TRAPPC9: variants seen among roughly 807,000 people sequenced by gnomAD.
The protein encoded by TRAPPC9 is trafficking protein particle complex subunit 9.
TRAPPC9 carries 83 observed loss-of-function variants against 124.0 expected under a neutral mutation model. That is an observed-to-expected ratio of 0.67 (90% CI 0.56 to 0.80). The LOEUF (loss-of-function observed/expected upper bound fraction) is 0.80, where lower values mean the gene tolerates loss of function less well. Ranked by LOEUF, TRAPPC9 falls within the 30% of genes least tolerant of loss-of-function variation. TRAPPC9 has a pLI of 0.00. For synonymous variants in TRAPPC9, 638 were observed against 617.5 expected, an observed-to-expected ratio of 1.03 and a Z score of -0.49; for missense variants, 1,302 against 1,508.3, an observed-to-expected ratio of 0.86 and a Z score of 2.27.
At chr8:140,208,698 C>G (rs1341001361) in intron 17 of TRAPPC9, among the ~76,000 whole-genome samples, 2 of 152,250 alleles carry the variant, frequency 1.3e-5, no homozygotes, top group East Asian at 1.9e-4. Flanking sequence ...GTAGCAGGCA[C>G]TGGAAGTGCA....
intron 21 of TRAPPC9, among the ~76,000 whole-genome samples, chr8:139,783,456 T>C (rs1383579472): frequency 6.6e-6 from 1 of 152,248 alleles, no homozygotes; most frequent in Non-Finnish European, 1.5e-5. Flanking sequence ...GAAAGACACA[T>C]ACTACCAAAG....
chr8:140,108,945 C>T lies in TRAPPC9; in HGVS notation c.2557-84866G>A, dbSNP rs550512171. Reference sequence around the variant, plus strand: ...AGATATTTTTTCTTTTCCTTAGTTTCGAGAAGCCTTTTTACTTACTGAAAA... The same window carrying T: ...AGATATTTTTTCTTTTCCTTAGTTTTGAGAAGCCTTTTTACTTACTGAAAA... On this transcript the variant is annotated intron_variant, in intron 17 of 22. Transcript: ENST00000438773. Among the ~76,000 whole-genome samples, 13 of 152,176 alleles carry T rather than the reference C, an allele frequency of 8.5e-5. No individual in the cohort carries two copies. The South Asian group carries it at 1.5e-3, about 17-fold the overall frequency.
At chr8:140,022,544 A>G (rs1211269160) in intron 18 of TRAPPC9, among the ~76,000 whole-genome samples, 1 of 152,166 alleles carries the variant, frequency 6.6e-6, no homozygotes, top group Admixed American at 6.5e-5. Flanking sequence ...TGGGGAAAAA[A>G]AGACGAACTC....
intron 5 of TRAPPC9, among the ~76,000 whole-genome samples, chr8:140,423,474 C>T (rs1054005213): frequency 1.3e-5 from 2 of 151,780 alleles, no homozygotes; most frequent in South Asian, 4.2e-4. Flanking sequence ...CAAACAAACA[C>T]ATGTCCACAC....
intron 19 of TRAPPC9, among the ~76,000 whole-genome samples, chr8:139,950,386 C>T (rs370964116): frequency 3.0e-4 from 45 of 152,302 alleles, no homozygotes; most frequent in East Asian, 9.6e-4. Flanking sequence ...ATGGTTCTCG[C>T]GAATTCAAGG....
intron 11 of TRAPPC9, among the ~76,000 whole-genome samples, chr8:140,299,666 C>T (rs11777506): frequency 0.3 from 45,445 of 152,116 alleles, 7,475 homozygotes; most frequent in East Asian, 0.65. Context: ...CAAGGGGCCT[C>T]GGGCATGTCT....
At chr8:140,162,649 G>A (rs567817711) in intron 17 of TRAPPC9, among the ~76,000 whole-genome samples, 83 of 152,304 alleles carry the variant, frequency 5.4e-4, no homozygotes, top group African/African-American at 1.9e-3. Flanking sequence ...GGTCATGGTT[G>A]CACAGCAATG....
At chr8:139,839,738 G>T (rs577516542) in intron 21 of TRAPPC9, among the ~76,000 whole-genome samples, 9 of 152,098 alleles carry the variant, frequency 5.9e-5, no homozygotes, top group Non-Finnish European at 1.2e-4. Flanking sequence ...GCTCTGCTGG[G>T]TGCTGCCTCC....
At position 140,087,290 on chromosome 8, in the gene TRAPPC9, C is replaced by T. The variant is rs1275574460; in HGVS notation, c.2557-63211G>A. ...CATCACCCTGCAGATGTCGGGGTGC[C>T]TCGAAAGCACAGCACTCTATCTCTG... On this transcript the variant is annotated intron_variant, in intron 17 of 22. Transcript: ENST00000438773. This position sits in a 1 kb window ranked among gnomAD's most constrained non-coding sequence, Gnocchi z 4.6. Among the ~76,000 whole-genome samples, 3 of 152,082 alleles carry T rather than the reference C, an allele frequency of 2.0e-5. No individual in the cohort carries two copies. The highest frequency in any genetic ancestry group is 4.4e-5 in the Non-Finnish European group (3 of 68,024).
chr8:140,052,640 G>T (rs977397587), intron 17 of TRAPPC9, among the ~76,000 whole-genome samples: 19 of 152,074 alleles, frequency 1.2e-4, no homozygotes, highest in African/African-American at 4.3e-4. Flanking sequence ...AAATTAGCCG[G>T]GTGTGGTGGC....
intron 10 of TRAPPC9, chr8:140,302,977 A>G (rs1437637501): frequency 2.0e-5 from 3 of 152,154 alleles, no homozygotes; most frequent in Non-Finnish European, 2.9e-5. Context: ...CCGCTAGACC[A>G]TGTATGGGAG....
chr8:140,079,482 G>A (rs1308428115), intron 17 of TRAPPC9, among the ~76,000 whole-genome samples: 4 of 152,104 alleles, frequency 2.6e-5, no homozygotes, highest in African/African-American at 9.7e-5. Flanking sequence ...ACAAGCAGCG[G>A]CTCCAGCAGA....
At chr8:140,451,868 C>A (rs2071473323) in intron 1 of TRAPPC9, among the ~76,000 whole-genome samples, 1 of 152,160 alleles carries the variant, frequency 6.6e-6, no homozygotes, top group South Asian at 2.1e-4. Flanking sequence ...TGCCTGTAAT[C>A]CTAACACTTT....
intron 20 of TRAPPC9, among the ~76,000 whole-genome samples, chr8:139,895,066 C>T (rs562848857): frequency 6.6e-6 from 1 of 152,302 alleles, no homozygotes; most frequent in Non-Finnish European, 1.5e-5. Context: ...CCACACGTCC[C>T]GGGCTACTCG....
At chr8:139,974,839 C>T (rs1277569257) in intron 19 of TRAPPC9, among the ~76,000 whole-genome samples, 2 of 152,064 alleles carry the variant, frequency 1.3e-5, no homozygotes, top group South Asian at 2.1e-4. Context: ...TCTTCCACTC[C>T]GCCCGGCAGC....
chr8:140,002,472 T>C (rs190068843), intron 18 of TRAPPC9, among the ~76,000 whole-genome samples: 16 of 152,144 alleles, frequency 1.1e-4, no homozygotes, highest in African/African-American at 3.6e-4. Flanking sequence ...ATCTGAAGAT[T>C]TATATGGAAA....
chr8:140,356,556 C>T (rs760459723), intron 9 of TRAPPC9, among the ~76,000 whole-genome samples: 18 of 149,896 alleles, frequency 1.2e-4, no homozygotes, highest in Middle Eastern at 3.5e-3. Context: ...AAACACGATG[C>T]AGCATACGTA....
intron 18 of TRAPPC9, among the ~76,000 whole-genome samples, chr8:140,012,382 G>C (rs1839196298): frequency 6.6e-6 from 1 of 152,160 alleles, no homozygotes; most frequent in African/African-American, 2.4e-5. Context: ...TTACTTAAAA[G>C]GGGAGACACA....
chr8:139,853,628 G>A (rs1827631333), intron 21 of TRAPPC9, among the ~76,000 whole-genome samples: 1 of 152,196 alleles, frequency 6.6e-6, no homozygotes, highest in Non-Finnish European at 1.5e-5. Context: ...GGGGATTCAG[G>A]CCTAAGCTCT....
Sources: allele counts gnomAD v4.1 joint callset (sites outside exome capture counted in the v4.1 genomes callset), GRCh38; gene constraint gnomAD v4.1.1; non-coding constraint Gnocchi (gnomAD v3.1); transcripts MANE v1.5; gene names NCBI Gene and HGNC (gene_info 2026-07-23, HGNC 2026-07-21).